Variants in CSN1S1 observed in about 807,000 individuals in gnomAD.
The protein encoded by CSN1S1 is casein alpha s1, also known as alpha-S1-casein.
In CSN1S1, 63 loss-of-function variants were observed where a neutral mutation model predicts 49.1. The observed-to-expected ratio is 1.28, with a 90% CI of 1.05 to 1.58. The LOEUF (loss-of-function observed/expected upper bound fraction) is 1.58, where lower values mean the gene tolerates loss of function less well. CSN1S1 is among the 40% of genes most tolerant of loss of function. The pLI, the probability that CSN1S1 is intolerant of heterozygous loss-of-function variation, is 0.00. For missense variants in CSN1S1, 260 were observed against 224.7 expected, an observed-to-expected ratio of 1.16 and a Z score of -1.01; for synonymous variants, 78 against 67.1, an observed-to-expected ratio of 1.16 and a Z score of -0.79.
At chr4:69,936,024 A>T in intron 5 of CSN1S1, 75 bp downstream of exon 5, 1 of 1,132,374 alleles carries the variant, frequency 8.8e-7, no homozygotes, top group Non-Finnish European at 1.3e-6. Flanking sequence ...GACTCAGAAC[A>T]GTGCCTAAAA....
At chr4:69,941,907 G>T in intron 12 of CSN1S1, 139 bp from the exon 13 acceptor site, 1 of 473,670 alleles carries the variant, frequency 2.1e-6, no homozygotes, top group South Asian at 5.8e-5. Context: ...TTGTCCTCCT[G>T]AGAGATTTTG....
intron 9 of CSN1S1, among the ~76,000 whole-genome samples, chr4:69,938,694 A>G (rs1317975903): frequency 1.3e-5 from 2 of 151,814 alleles, no homozygotes; most frequent in Non-Finnish European, 2.9e-5. Context: ...TAAATATTTC[A>G]AAGTAAATAT....
At chr4:69,937,264 G>A in intron 8 of CSN1S1, 120 bp downstream of exon 8, 5 of 733,920 alleles carry the variant, frequency 6.8e-6, no homozygotes, top group Non-Finnish European at 1.1e-5. Flanking sequence ...TTCAAAGAAA[G>A]AAAAGAAATA....
At chr4:69,938,882 C>A (rs1722889270) in intron 9 of CSN1S1, among the ~76,000 whole-genome samples, 1 of 151,656 alleles carries the variant, frequency 6.6e-6, no homozygotes, top group East Asian at 1.9e-4. Context: ...TCACAAAAAT[C>A]TATGCAAATT....
At chr4:69,937,275 G>C (rs1722816750) in intron 8 of CSN1S1, 131 bp downstream of exon 8, 2 of 682,150 alleles carry the variant, frequency 2.9e-6, no homozygotes, top group Non-Finnish European at 2.4e-6. Flanking sequence ...AAAAGAAATA[G>C]TGTATCATAC....
At chr4:69,935,664 T>A (rs1399288207) in intron 4 of CSN1S1, among the ~76,000 whole-genome samples, 1 of 152,124 alleles carries the variant, frequency 6.6e-6, no homozygotes, top group Non-Finnish European at 1.5e-5. Context: ...AGCTGCTTTA[T>A]ATTTTAATTT....
chr4:69,935,415 C>T (rs1388353), intron 4 of CSN1S1, among the ~76,000 whole-genome samples: 146,577 of 151,690 alleles, frequency 0.97, 70,987 homozygotes, highest in East Asian at 1. Context: ...TCGGATGTGG[C>T]GGCATGCACT....
At chr4:69,940,111 T>TCA (rs35000195) in intron 11 of CSN1S1, 67 bp downstream of exon 11, 4,243 of 404,716 alleles carry the variant, frequency 0.01, 52 homozygotes, top group Admixed American at 0.035. Context: ...GCACTTACTT[T>TCA]CACACACACA....
At chr4:69,934,102 C>A (rs892529398) in intron 2 of CSN1S1, 110 bp from the exon 3 acceptor site, 1 of 709,286 alleles carries the variant, frequency 1.4e-6, no homozygotes, top group East Asian at 3.1e-5. Context: ...AAAACACATA[C>A]CTTTTGAAAA....
chr4:69,937,198 C>A (rs1336370659), intron 8 of CSN1S1, 54 bp downstream of exon 8: 2 of 1,159,002 alleles, frequency 1.7e-6, no homozygotes, highest in East Asian at 5.3e-5. Flanking sequence ...AGAAACAATA[C>A]ATATTTCCCC....
chr4:69,946,139 T>C (rs933320031), intron 15 of CSN1S1, 57 bp from the exon 16 acceptor site: 2 of 466,990 alleles, frequency 4.3e-6, no homozygotes, highest in African/African-American at 4.0e-5. Flanking sequence ...TAAGAGCTTT[T>C]CTTTTCTTCA....
intron 14 of CSN1S1, 66 bp from the exon 15 acceptor site, chr4:69,944,784 A>G (rs1248592952): frequency 6.7e-7 from 1 of 1,494,382 alleles, no homozygotes; most frequent in Non-Finnish European, 9.2e-7. Context: ...ATGTATTGAT[A>G]TTTTTCAGGG....
chr4:69,937,163 A>G lies in CSN1S1; in HGVS notation c.219+19A>G, dbSNP rs1722812098. On this transcript the variant is annotated intron_variant, in intron 8 of 15. Coordinates refer to ENST00000246891, the MANE Select transcript of CSN1S1 (RefSeq NM_001890.2). ...TACTCAGGTGAGACCCTTTGTTTTA[A>G]AATTATTAAACCAATATGAGGAAAA... 4.6e-6 allele frequency: 7 copies of G among 1,510,124 alleles called. No individual in the cohort carries two copies. The highest frequency in any genetic ancestry group is 6.2e-6 in the Non-Finnish European group (7 of 1,122,638). 93.5% of individuals were successfully genotyped at this position (1,510,124 alleles called of 1,614,324 possible).
In CSN1S1 at chr4:69,934,193, C is replaced by T. The variant is rs1447950466; in HGVS notation, c.52-19C>T. 1 of 1,596,928 alleles carries T rather than the reference C, an allele frequency of 6.3e-7. No homozygotes were observed. Among genetic ancestry groups the T allele is most frequent in the Non-Finnish European group, 8.6e-7 (1 of 1,166,818 alleles). ...TTTAGTTACTTTTTGTTTTACAATT[C>T]TTGCATTGTTTTTCACAGAAACTTC... is the stretch of plus-strand genomic sequence containing the variant. On this transcript the variant is annotated intron_variant, in intron 2 of 15. Coordinates refer to ENST00000246891, the MANE Select transcript of CSN1S1 (RefSeq NM_001890.2).
At chr4:69,938,480 G>A (rs907065138) in intron 9 of CSN1S1, among the ~76,000 whole-genome samples, 3 of 151,476 alleles carry the variant, frequency 2.0e-5, no homozygotes, top group African/African-American at 4.8e-5. Flanking sequence ...ATCTATGGCA[G>A]CAATTACCTA....
intron 3 of CSN1S1, 144 bp downstream of exon 3, chr4:69,934,388 T>C: frequency 3.8e-6 from 3 of 781,440 alleles, no homozygotes; most frequent in Admixed American, 2.8e-5. Context: ...CAGATGGTAT[T>C]TGCTCTCACA....
At chr4:69,934,171 A>T in intron 2 of CSN1S1, 41 bp from the exon 3 acceptor site, 1 of 1,477,434 alleles carries the variant, frequency 6.8e-7, no homozygotes, top group Non-Finnish European at 9.4e-7. Context: ...TTGTCATTTT[A>T]GTTACTTTTT....
intron 7 of CSN1S1, 64 bp from the exon 8 acceptor site, chr4:69,937,057 T>C (rs1722808478): frequency 2.9e-6 from 4 of 1,367,210 alleles, no homozygotes; most frequent in Non-Finnish European, 4.0e-6. Context: ...GCTCAAACTT[T>C]ATGAGATAAA....
At chr4:69,940,927 A>G in intron 11 of CSN1S1, 92 bp from the exon 12 acceptor site, 1 of 641,924 alleles carries the variant, frequency 1.6e-6, no homozygotes, top group Non-Finnish European at 2.7e-6. Flanking sequence ...CTTGGGAAAG[A>G]GCATTGTTAG....
Sources: allele counts gnomAD v4.1 joint callset (sites outside exome capture counted in the v4.1 genomes callset), GRCh38; gene constraint gnomAD v4.1.1; transcripts MANE v1.5; gene names NCBI Gene and HGNC (gene_info 2026-07-23, HGNC 2026-07-21).